Variants in TESK2 observed in about 807,000 individuals in gnomAD.
The protein encoded by TESK2 is dual specificity testis-specific protein kinase 2.
Under a neutral mutation model 57.1 loss-of-function variants are expected in TESK2, and 39 were observed. The observed-to-expected ratio is 0.68, with a 90% CI of 0.53 to 0.89. TESK2 has a LOEUF of 0.89. Among genes scored for constraint, TESK2 ranks in the 40% least tolerant of loss-of-function variants. The pLI is 0.00. For missense variants in TESK2, 646 were observed against 732.1 expected, an observed-to-expected ratio of 0.88 and a Z score of 1.36; for synonymous variants, 249 against 267.9, an observed-to-expected ratio of 0.93 and a Z score of 0.69.
intron 3 of TESK2, among the ~76,000 whole-genome samples, chr1:45,389,004 G>A (rs566413747): frequency 2.9e-4 from 44 of 152,260 alleles, no homozygotes; most frequent in African/African-American, 9.9e-4. Context: ...ACAGGCGTGA[G>A]CCACCGCGCC....
Position 45,457,769 on chromosome 1 carries a change from C to T in TESK2, c.17G>A (p.Arg6Gln), listed in dbSNP as rs1432820176. The T allele has an allele frequency of 3.1e-6, 5 of 1,613,992 alleles. No individual in the cohort carries two copies. Among genetic ancestry groups the T allele is most frequent in the South Asian group, 1.1e-5 (1 of 91,064 alleles). Residue 6 changes from arginine to glutamine, a missense_variant, in exon 2 of 11, where the codon CGG becomes CAG. Coordinates refer to ENST00000372086, the MANE Select transcript of TESK2 (RefSeq NM_007170.3). ...TGGAGGAAATCCTGCAATTGAATTC[C>T]GTTTGCTCCGATCCATAGTCTAAAT... MDRSKRNSIAGFPPRV... is the reference protein window; with the variant it reads MDRSKQNSIAGFPPRV...
At chr1:45,442,285 T>C (rs893439977) in intron 2 of TESK2, among the ~76,000 whole-genome samples, 11 of 151,660 alleles carry the variant, frequency 7.3e-5, no homozygotes, top group Admixed American at 2.0e-4. Context: ...GAATTATTTC[T>C]CACTAAAGCT....
In TESK2 at chr1:45,465,899, T is replaced by G. The variant is rs377240900; in HGVS notation, c.-86-8028A>C. Among the ~76,000 whole-genome samples the G allele has an allele frequency of 2.0e-5, 3 of 152,258 alleles. No individual in the cohort carries two copies. In the East Asian group the frequency reaches 5.8e-4, roughly 29 times the overall value. On this transcript the variant is annotated intron_variant, in intron 1 of 10. Transcript: ENST00000372086. ...CAATGTGAATGTATTTAAAAAGTAA[T>G]GTAGAGTTGGGGAGAAAAGCAAGTT... is the stretch of plus-strand genomic sequence containing the variant.
At chr1:45,422,317 C>G (rs967070494) in intron 2 of TESK2, among the ~76,000 whole-genome samples, 1 of 152,242 alleles carries the variant, frequency 6.6e-6, no homozygotes, top group African/African-American at 2.4e-5. Context: ...ACTTAGTCAA[C>G]AGGTGCAGCA....
chr1:45,393,583 A>G (rs1649233288), intron 3 of TESK2, among the ~76,000 whole-genome samples: 1 of 152,130 alleles, frequency 6.6e-6, no homozygotes, highest in Non-Finnish European at 1.5e-5. Context: ...TCTACTAAAA[A>G]TACAAAAATT....
At chr1:45,423,417 C>T (rs776061019) in intron 2 of TESK2, among the ~76,000 whole-genome samples, 2 of 151,890 alleles carry the variant, frequency 1.3e-5, no homozygotes, top group African/African-American at 4.8e-5. Context: ...ATTAGCTGGG[C>T]GTGGTGGCGG....
chr1:45,490,299 C>CTTA (rs1298460657), intron 1 of TESK2, among the ~76,000 whole-genome samples: 2 of 152,132 alleles, frequency 1.3e-5, no homozygotes, highest in Non-Finnish European at 2.9e-5. Context: ...TGAACACTGG[C>CTTA]TTAGTCCACT....
intron 4 of TESK2, among the ~76,000 whole-genome samples, chr1:45,357,223 AAATAAAT>A (rs1216063668): frequency 2.0e-5 from 3 of 151,080 alleles, no homozygotes; most frequent in African/African-American, 7.3e-5. Flanking sequence ...ATAAATAAAT[AAATAAAT>A]AAATAAATAA....
rs200308667 is a variant in TESK2, at chr1:45,345,155, C to A, written c.1401G>T (p.Glu467Asp). The change falls in exon 11 of 11, where the codon GAG becomes GAT. Residue 467 changes from glutamate (E) to aspartate (D), a missense_variant. Transcript: ENST00000372086. ...CTTCCCGGCCCACAAATGGACAAGC[C>A]TCTTGATGCAAGAACTCAGGCGAAC... is the stretch of plus-strand genomic sequence containing the variant. Reference protein sequence around the residue: ...LPGSPEFLHQEACPFVGREES... With the variant: ...LPGSPEFLHQDACPFVGREES... The A allele has an allele frequency of 1.5e-5, 25 of 1,614,088 alleles. No individual in the cohort carries two copies. The African/African-American group carries it at 1.6e-4, about 10-fold the overall frequency.
At chr1:45,349,940 G>T (rs1341099703) in intron 5 of TESK2, among the ~76,000 whole-genome samples, 1 of 152,144 alleles carries the variant, frequency 6.6e-6, no homozygotes, top group Admixed American at 6.5e-5. Context: ...TCAGGAGTTC[G>T]AGACCAGCTT....
intron 4 of TESK2, among the ~76,000 whole-genome samples, chr1:45,358,935 C>G (rs1462273070): frequency 1.3e-5 from 2 of 152,296 alleles, no homozygotes; most frequent in East Asian, 3.9e-4. Context: ...TCATGCAGCA[C>G]AGGAGCTCAA....
chr1:45,373,823 T>C (rs149087420), intron 4 of TESK2, among the ~76,000 whole-genome samples: 2 of 152,286 alleles, frequency 1.3e-5, no homozygotes, highest in Non-Finnish European at 2.9e-5. Context: ...CCCTGAGTAG[T>C]AGCAATGTGT....
chr1:45,431,879 G>A (rs1650979787), intron 2 of TESK2, among the ~76,000 whole-genome samples: 1 of 152,168 alleles, frequency 6.6e-6, no homozygotes, highest in South Asian at 2.1e-4. Context: ...TTTGGCTCAA[G>A]GCCTGGTGGG....
intron 5 of TESK2, 33 bp downstream of exon 5, chr1:45,355,270 T>G (rs752722487): frequency 1.3e-5 from 21 of 1,609,478 alleles, no homozygotes; most frequent in Non-Finnish European, 1.6e-5. Flanking sequence ...GGGTGGTATC[T>G]CTCAATGAGT....
intron 1 of TESK2, among the ~76,000 whole-genome samples, chr1:45,472,663 A>C (rs1011995710): frequency 6.6e-6 from 1 of 152,070 alleles, no homozygotes; most frequent in African/African-American, 2.4e-5. Context: ...TGGTTTGGGT[A>C]ACTGGGAGAA....
At chr1:45,415,089 G>A (rs775702699) in intron 3 of TESK2, 590 of 1,412,704 alleles carry the variant, frequency 4.2e-4, no homozygotes, top group Non-Finnish European at 4.7e-4. Context: ...CGTCTCCTTC[G>A]AGCTGTTTGC....
chr1:45,384,373 AT>A lies in TESK2; in HGVS notation c.393+1538del, dbSNP rs1557551268. On this transcript the variant is annotated intron_variant, in intron 4 of 10. Transcript: ENST00000372086. The stretch of plus-strand genomic sequence containing the variant: ...TATGTATGTACGTACGTATCTATCT[AT>A]CTATCTATCTATCTGTCTATCTATC... Among the ~76,000 whole-genome samples the A allele has an allele frequency of 4.2e-4, 57 of 135,208 alleles. No individual in the cohort carries two copies. In the East Asian group the frequency reaches 0.011, roughly 25 times the overall value. The allele number at this position is 135,208 out of a possible 152,430, so 88.7% of individuals were successfully genotyped here. A position where few individuals can be genotyped will look rare whatever the true frequency, so the allele number is the denominator to read the frequency against.
chr1:45,476,574 G>A (rs765696469), intron 1 of TESK2, among the ~76,000 whole-genome samples: 27 of 150,510 alleles, frequency 1.8e-4, no homozygotes, highest in African/African-American at 2.9e-4. Context: ...CTAGCCAGGC[G>A]CGGTGGCTCA....
chr1:45,477,633 A>C (rs947462320), intron 1 of TESK2, among the ~76,000 whole-genome samples: 1 of 151,292 alleles, frequency 6.6e-6, no homozygotes, highest in African/African-American at 2.4e-5. Flanking sequence ...AAAACAAAAA[A>C]AAAAAGAAAG....
Sources: allele counts gnomAD v4.1 joint callset (sites outside exome capture counted in the v4.1 genomes callset), GRCh38; gene constraint gnomAD v4.1.1; transcripts MANE v1.5; gene names NCBI Gene and HGNC (gene_info 2026-07-23, HGNC 2026-07-21).